SUFU: variants seen among roughly 807,000 people sequenced by gnomAD.
SUFU encodes SUFU negative regulator of hedgehog signaling, also known as suppressor of fused homolog.
A neutral mutation model predicts 58.9 loss-of-function variants in SUFU; 7 were observed. The observed-to-expected ratio is 0.12, with a 90% CI of 0.07 to 0.22. SUFU has a LOEUF of 0.22. SUFU is among the 10% of genes least tolerant of loss of function. The pLI is 1.00. For missense variants in SUFU, 451 were observed against 641.3 expected (o/e 0.70, Z 3.20); for synonymous variants, 232 against 254.8 (o/e 0.91, Z 0.85).
intron 2 of SUFU, among the ~76,000 whole-genome samples, chr10:102,544,387 A>G (rs1462056116): frequency 2.0e-5 from 3 of 152,122 alleles, no homozygotes; most frequent in Non-Finnish European, 2.9e-5. Context: ...CAACCAGTAC[A>G]TTATCTAATT....
chr10:102,575,824 T>A (rs576380941), intron 3 of SUFU, among the ~76,000 whole-genome samples: 1 of 152,072 alleles, frequency 6.6e-6, no homozygotes. Flanking sequence ...ATTAAGTATA[T>A]AGATAATACA....
At chr10:102,613,792 G>A (rs1475665703) in intron 8 of SUFU, among the ~76,000 whole-genome samples, 2 of 152,230 alleles carry the variant, frequency 1.3e-5, no homozygotes. Context: ...ATTTGAAAGA[G>A]CAAATCTTAG....
intron 6 of SUFU, among the ~76,000 whole-genome samples, chr10:102,595,934 C>T (rs2063457084): frequency 2.0e-5 from 3 of 152,182 alleles, no homozygotes; most frequent in Non-Finnish European, 4.4e-5. Flanking sequence ...GTCTGCAACT[C>T]TTTACCTAAG....
At chr10:102,510,594 G>A (rs2062389140) in intron 2 of SUFU, among the ~76,000 whole-genome samples, 1 of 151,774 alleles carries the variant, frequency 6.6e-6, no homozygotes, top group African/African-American at 2.4e-5. Flanking sequence ...GGCTGAGGCA[G>A]GTGGCTCACT....
At position 102,633,265 on chromosome 10, in the gene SUFU, C is replaced by T. The variant is rs141940845; in HGVS notation, c.*3110C>T. The stretch of plus-strand genomic sequence containing the variant: ...GAGACCCCTCCTTTTGTACAAGTAC[C>T]TGAATGCTGCGACAAGCAGATTTTT... On this transcript the variant is annotated 3_prime_UTR_variant, in exon 12 of 12. Transcript: ENST00000369902. 4.3e-6 allele frequency: 1 copy of T among 233,144 alleles called. No homozygotes were observed. The allele number at this position is 233,144 out of a possible 1,614,324, so 14.4% of individuals were successfully genotyped here. A position where few individuals can be genotyped will look rare whatever the true frequency, so the allele number is the denominator to read the frequency against.
intron 7 of SUFU, 106 bp downstream of exon 7, chr10:102,597,399 A>G: frequency 2.2e-6 from 3 of 1,394,200 alleles, no homozygotes; most frequent in Non-Finnish European, 2.9e-6. Flanking sequence ...AACCCATTCA[A>G]TAGTTTATTT....
At chr10:102,517,987 C>G (rs1268906444) in intron 2 of SUFU, among the ~76,000 whole-genome samples, 1 of 152,160 alleles carries the variant, frequency 6.6e-6, no homozygotes, top group Non-Finnish European at 1.5e-5. Flanking sequence ...TGGTGAGGTC[C>G]TTGAGAAAGA....
chr10:102,613,687 G>C (rs777235411), intron 8 of SUFU, among the ~76,000 whole-genome samples: 1 of 152,264 alleles, frequency 6.6e-6, no homozygotes, highest in Non-Finnish European at 1.5e-5. Flanking sequence ...GAGATTCACA[G>C]CCCAAACCAG....
intron 2 of SUFU, among the ~76,000 whole-genome samples, chr10:102,537,057 C>T (rs530970345): frequency 2.6e-5 from 4 of 151,932 alleles, no homozygotes; most frequent in African/African-American, 4.8e-5. Flanking sequence ...GTGATCTGCC[C>T]GCGTTGGTCT....
At chr10:102,544,808 C>A (rs1263069866) in intron 2 of SUFU, among the ~76,000 whole-genome samples, 4 of 152,180 alleles carry the variant, frequency 2.6e-5, no homozygotes, top group Non-Finnish European at 2.9e-5. Context: ...AACCACCAAC[C>A]TATTTTCTGT....
intron 2 of SUFU, among the ~76,000 whole-genome samples, chr10:102,539,894 G>T (rs1348190702): frequency 6.6e-6 from 1 of 152,180 alleles, no homozygotes; most frequent in Admixed American, 6.5e-5. Context: ...AAAATCTTTA[G>T]AGCCAGTGTC....
intron 10 of SUFU, among the ~76,000 whole-genome samples, chr10:102,622,991 C>CA (rs60442672): frequency 0.035 from 1,989 of 57,620 alleles, 39 homozygotes; most frequent in Middle Eastern, 0.045. Context: ...AACTCCGTCT[C>CA]AAAAAAAAAA....
At chr10:102,599,348 C>A in intron 7 of SUFU, 85 bp from the exon 8 acceptor site, 1 of 1,051,258 alleles carries the variant, frequency 9.5e-7, no homozygotes, top group Non-Finnish European at 1.5e-6. Context: ...TTTCTTAGCA[C>A]CTCTGCTGAG....
chr10:102,582,847 G>A (rs2063296932), intron 3 of SUFU, among the ~76,000 whole-genome samples: 1 of 152,164 alleles, frequency 6.6e-6, no homozygotes, highest in South Asian at 2.1e-4. Flanking sequence ...TACCTGGAAT[G>A]GCGACGTTCT....
intron 2 of SUFU, among the ~76,000 whole-genome samples, chr10:102,538,069 A>G (rs2062761893): frequency 6.6e-6 from 1 of 152,176 alleles, no homozygotes; most frequent in African/African-American, 2.4e-5. Context: ...GTTTATTTTT[A>G]TGCTATAGTG....
chr10:102,511,559 A>G (rs1031885673), intron 2 of SUFU, among the ~76,000 whole-genome samples: 1 of 152,022 alleles, frequency 6.6e-6, no homozygotes, highest in African/African-American at 2.4e-5. Context: ...TCATTGTGTT[A>G]AATGCTTTAC....
chr10:102,530,060 GTTC>G (rs997268432), intron 2 of SUFU, among the ~76,000 whole-genome samples: 4 of 152,140 alleles, frequency 2.6e-5, no homozygotes, highest in African/African-American at 7.2e-5. Context: ...TGAGATGAGT[GTTC>G]TTCTCCCAGT....
intron 2 of SUFU, among the ~76,000 whole-genome samples, chr10:102,540,642 C>G (rs955236702): frequency 6.6e-6 from 1 of 151,788 alleles, no homozygotes; most frequent in Non-Finnish European, 1.5e-5. Context: ...CAGAGCAAGA[C>G]TCTGTCTCAA....
rs1359835926 is a variant in SUFU at position 102,601,184 on chromosome 10, A to G, written c.1022+1640A>G. ...GGGCACAAGCTCCTGCAGAGATACAACCTTCTTGCCCCGCTTGTGTATCTG... is the reference window on the plus strand; with the variant it reads ...GGGCACAAGCTCCTGCAGAGATACAGCCTTCTTGCCCCGCTTGTGTATCTG... On this transcript the variant is annotated intron_variant, in intron 8 of 11. Coordinates refer to ENST00000369902, the MANE Select transcript of SUFU (RefSeq NM_016169.4). Among the ~76,000 whole-genome samples the G allele has an allele frequency of 2.0e-5, 3 of 152,040 alleles. No individual in the cohort carries two copies. The East Asian group carries it at 5.8e-4, about 29-fold the overall frequency.
Sources: gnomAD v4.1 joint callset for allele counts (sites outside exome capture counted in the v4.1 genomes callset) on GRCh38, gnomAD v4.1.1 for gene constraint, MANE v1.5 for transcripts, NCBI Gene and HGNC (gene_info 2026-07-23, HGNC 2026-07-21) for gene names.